TSPAN7: variants seen among roughly 807,000 people sequenced by gnomAD.
The protein encoded by TSPAN7 is tetraspanin-7.
A neutral mutation model predicts 17.6 loss-of-function variants in TSPAN7; 1 was observed. The ratio of observed to expected loss-of-function variants is 0.06; its 90% CI spans 0.02 to 0.27. TSPAN7 has a LOEUF of 0.27. TSPAN7 is among the 10% of genes least tolerant of loss of function. The pLI, the probability that TSPAN7 is intolerant of heterozygous loss-of-function variation, is 1.00. For missense variants in TSPAN7, 112 were observed against 201.7 expected, an observed-to-expected ratio of 0.56 and a Z score of 2.69; for synonymous variants, 78 against 79.0, an observed-to-expected ratio of 0.99 and a Z score of 0.07.
chrX:38,571,258 A>C (rs896624307), intron 1 of TSPAN7, among the ~76,000 whole-genome samples: 21 of 111,197 alleles, frequency 1.9e-4, no homozygotes, highest in Admixed American at 1.7e-3. Context: ...GTACTAGATC[A>C]GTGATTCTCA....
intron 1 of TSPAN7, among the ~76,000 whole-genome samples, chrX:38,643,059 A>C (rs1602110027): frequency 9.0e-6 from 1 of 110,841 alleles, no homozygotes; most frequent in African/African-American, 3.3e-5. Context: ...AAAGTTTCTT[A>C]AATGTCCAGG....
chrX:38,663,644 G>A (rs188091914), intron 1 of TSPAN7, among the ~76,000 whole-genome samples: 2 of 112,345 alleles, frequency 1.8e-5, no homozygotes, highest in African/African-American at 3.2e-5. Context: ...ACTTACATGA[G>A]GAGAGGGTTC....
intron 1 of TSPAN7, among the ~76,000 whole-genome samples, chrX:38,579,856 C>A (rs1342572306): frequency 1.2e-4 from 13 of 111,012 alleles, no homozygotes; most frequent in Admixed American, 8.7e-4. Context: ...GAAAAATTTA[C>A]AGTTGATGCC....
At chrX:38,633,047 G>A (rs973505892) in intron 1 of TSPAN7, among the ~76,000 whole-genome samples, 1 of 112,053 alleles carries the variant, frequency 8.9e-6, no homozygotes, top group Middle Eastern at 4.2e-3. Context: ...TACTTACTGG[G>A]AATTTTTCTT....
At chrX:38,668,252 G>A (rs1003841737) in intron 2 of TSPAN7, among the ~76,000 whole-genome samples, 1 of 112,078 alleles carries the variant, frequency 8.9e-6, no homozygotes, top group African/African-American at 3.2e-5. Flanking sequence ...TGACTGGAGA[G>A]GGGTGGGAGA....
chrX:38,686,121 A>T (rs1006541057), intron 6 of TSPAN7, among the ~76,000 whole-genome samples: 5 of 112,791 alleles, frequency 4.4e-5, no homozygotes. Context: ...GCCACTTGGC[A>T]GTAAGTGCAT....
chrX:38,638,747 G>A (rs771629855), intron 1 of TSPAN7, among the ~76,000 whole-genome samples: 32 of 111,782 alleles, frequency 2.9e-4, no homozygotes, highest in Admixed American at 9.5e-4. Flanking sequence ...TCTAAGGCAA[G>A]GGGTGTACTC....
chrX:38,602,246 AG>A (rs2147411639), intron 1 of TSPAN7, among the ~76,000 whole-genome samples: 1 of 112,054 alleles, frequency 8.9e-6, no homozygotes, highest in South Asian at 3.7e-4. Context: ...GAGAAATCAT[AG>A]GGCAGTATGA....
At chrX:38,572,673 C>A (rs2069175143) in intron 1 of TSPAN7, among the ~76,000 whole-genome samples, 1 of 111,005 alleles carries the variant, frequency 9.0e-6, no homozygotes, top group Admixed American at 9.5e-5. Context: ...TTTATGATTT[C>A]CAGGGATTAG....
chrX:38,616,155 C>T (rs896150229), intron 1 of TSPAN7, among the ~76,000 whole-genome samples: 3 of 112,133 alleles, frequency 2.7e-5, no homozygotes, highest in African/African-American at 6.5e-5. Flanking sequence ...TAATTGACAG[C>T]GTTTAGTACT....
At chrX:38,675,938 C>A (rs1045995369) in intron 5 of TSPAN7, 78 bp downstream of exon 5, 1 of 1,094,589 alleles carries the variant, frequency 9.1e-7, no homozygotes, top group African/African-American at 1.8e-5. Context: ...GAAATTATGA[C>A]AAATAGATTT....
At chrX:38,635,099 G>A (rs1391495954) in intron 1 of TSPAN7, among the ~76,000 whole-genome samples, 1 of 110,908 alleles carries the variant, frequency 9.0e-6, no homozygotes, top group Non-Finnish European at 1.9e-5. Context: ...CTGGACTCTT[G>A]CTGTCTCTTC....
chrX:38,573,661 C>T (rs1484746006), intron 1 of TSPAN7, among the ~76,000 whole-genome samples: 2 of 111,392 alleles, frequency 1.8e-5, no homozygotes, highest in African/African-American at 6.5e-5. Context: ...TACAGGCTAC[C>T]CCATATTACA....
intron 5 of TSPAN7, among the ~76,000 whole-genome samples, chrX:38,679,042 C>T (rs772569451): frequency 8.9e-6 from 1 of 112,009 alleles, no homozygotes; most frequent in Admixed American, 9.5e-5. Flanking sequence ...AGAACTATTT[C>T]GGCTCAGTTG....
At chrX:38,613,089 A>T (rs904200280) in intron 1 of TSPAN7, among the ~76,000 whole-genome samples, 1 of 112,129 alleles carries the variant, frequency 8.9e-6, no homozygotes, top group Non-Finnish European at 1.9e-5. Context: ...TGGAATCTCC[A>T]TAACAGTTAT....
intron 1 of TSPAN7, among the ~76,000 whole-genome samples, chrX:38,591,185 A>G (rs964411854): frequency 9.1e-6 from 1 of 110,448 alleles, no homozygotes; most frequent in Non-Finnish European, 1.9e-5. Context: ...TTTTTCCCTA[A>G]GTACTGTTTT....
intron 1 of TSPAN7, among the ~76,000 whole-genome samples, chrX:38,642,489 A>G (rs2069618613): frequency 8.9e-6 from 1 of 112,136 alleles, no homozygotes; most frequent in Non-Finnish European, 1.9e-5. Context: ...ACAAATAAGG[A>G]AGGAATAAAT....
intron 1 of TSPAN7, among the ~76,000 whole-genome samples, chrX:38,577,176 G>T (rs1013121218): frequency 3.6e-5 from 4 of 111,804 alleles, no homozygotes; most frequent in Non-Finnish European, 7.5e-5. Flanking sequence ...CTTAGAAAAA[G>T]CGGGTTTGAG....
intron 1 of TSPAN7, among the ~76,000 whole-genome samples, chrX:38,631,185 G>A (rs1426760615): frequency 9.1e-6 from 1 of 109,529 alleles, no homozygotes; most frequent in African/African-American, 3.3e-5. Context: ...TGGTGGTCTC[G>A]GTGCATTTTA....
Sources: allele counts gnomAD v4.1 joint callset (sites outside exome capture counted in the v4.1 genomes callset), GRCh38; gene constraint gnomAD v4.1.1; transcripts MANE v1.5; gene names NCBI Gene and HGNC (gene_info 2026-07-23, HGNC 2026-07-21).